TENM3: variants seen among roughly 807,000 people sequenced by gnomAD.
TENM3 encodes the protein teneurin transmembrane protein 3, also known as teneurin-3.
Under a neutral mutation model 255.1 loss-of-function variants are expected in TENM3, and 63 were observed. The ratio of observed to expected loss-of-function variants is 0.25; its 90% CI spans 0.20 to 0.30. The LOEUF is 0.30. Among genes scored for constraint, TENM3 ranks in the 10% least tolerant of loss-of-function variants. The pLI, the probability that TENM3 is intolerant of heterozygous loss-of-function variation, is 1.00. For synonymous variants in TENM3, 1,306 were observed against 1,322.3 expected, an observed-to-expected ratio of 0.99 and a Z score of 0.27; for missense variants, 2,929 against 3,461.1, an observed-to-expected ratio of 0.85 and a Z score of 3.86.
chr4:182,395,547 G>T (rs1375220991), intron 3 of TENM3, among the ~76,000 whole-genome samples: 2 of 152,092 alleles, frequency 1.3e-5, no homozygotes, highest in African/African-American at 2.4e-5. Context: ...TTTAATTGTT[G>T]CTCTCCTTAT....
chr4:182,660,370 C>A (rs758117359), intron 6 of TENM3, among the ~76,000 whole-genome samples: 7 of 152,198 alleles, frequency 4.6e-5, no homozygotes, highest in Non-Finnish European at 1.0e-4. Context: ...TGGCTAAGAA[C>A]TGAAGCTCTG....
the TENM3 span, among the ~76,000 whole-genome samples, chr4:181,471,178 A>G: frequency 4.6e-5 from 7 of 152,170 alleles, no homozygotes; most frequent in African/African-American, 1.7e-4. Flanking sequence ...AATGGTTAAT[A>G]AAATTTATTT....
At chr4:181,594,936 CCT>C in the TENM3 span, among the ~76,000 whole-genome samples, 1 of 152,048 alleles carries the variant, frequency 6.6e-6, no homozygotes, top group African/African-American at 2.4e-5. Flanking sequence ...AAATTTGATT[CCT>C]CTCTTTGTTT....
intron 1 of TENM3, among the ~76,000 whole-genome samples, chr4:182,264,360 CGTT>C (rs1759090703): frequency 6.6e-6 from 1 of 152,210 alleles, no homozygotes; most frequent in African/African-American, 2.4e-5. Context: ...GAAGTCTCCA[CGTT>C]GTTTTATGTC....
intron 2 of TENM3, among the ~76,000 whole-genome samples, chr4:182,326,115 A>G (rs1367391580): frequency 9.2e-5 from 14 of 152,186 alleles, no homozygotes; most frequent in Admixed American, 9.2e-4. Flanking sequence ...GCGGCCAGGG[A>G]GGCCTTGTTG....
At chr4:181,735,976 C>T in the TENM3 span, among the ~76,000 whole-genome samples, 2 of 152,150 alleles carry the variant, frequency 1.3e-5, no homozygotes. Flanking sequence ...AATTTAATGT[C>T]TATCTTTTTT....
Position 182,507,299 on chromosome 4 carries a change from T to G in TENM3, c.512-93625T>G, listed in dbSNP as rs951625713. On this transcript the variant is annotated intron_variant, in intron 3 of 27. Transcript: ENST00000511685. ...TGAAGTTAGTCTAAATAACATTAGGTCCCATAATCTCTGAGAATTTACCAG... is the reference window on the plus strand; with the variant it reads ...TGAAGTTAGTCTAAATAACATTAGGGCCCATAATCTCTGAGAATTTACCAG... 3.2e-4 allele frequency among the ~76,000 whole-genome samples: 49 copies of G among 152,314 alleles called. 1 individual carries two copies. The highest frequency in any genetic ancestry group is 2.2e-4 in the Non-Finnish European group (15 of 68,018).
Position 182,475,546 on chromosome 4 carries a change from A to C in TENM3, c.512-125378A>C, listed in dbSNP as rs567948242. Reference sequence around the variant, plus strand: ...CCTAATAATGTTAGACTGAAATGCCATAATACTAGAGGAAATTTAGAAAGC... The same window carrying C: ...CCTAATAATGTTAGACTGAAATGCCCTAATACTAGAGGAAATTTAGAAAGC... On this transcript the variant is annotated intron_variant, in intron 3 of 27. Coordinates refer to ENST00000511685, the MANE Select transcript of TENM3 (RefSeq NM_001080477.4). 3.3e-5 allele frequency among the ~76,000 whole-genome samples: 5 copies of C among 152,306 alleles called. No individual in the cohort carries two copies. The East Asian group carries it at 9.6e-4, about 29-fold the overall frequency.
At chr4:181,652,914 C>A in the TENM3 span, among the ~76,000 whole-genome samples, 1 of 152,190 alleles carries the variant, frequency 6.6e-6, no homozygotes, top group South Asian at 2.1e-4. Flanking sequence ...TTTAACCTCT[C>A]TAAAATTCTT....
chr4:182,362,176 C>T (rs1211366484), intron 3 of TENM3, among the ~76,000 whole-genome samples: 2 of 152,052 alleles, frequency 1.3e-5, no homozygotes, highest in African/African-American at 4.8e-5. Context: ...GGGTCAGGGA[C>T]CCACTTGAGG....
At chr4:182,708,628 C>T (rs948004653) in intron 12 of TENM3, among the ~76,000 whole-genome samples, 51 of 152,038 alleles carry the variant, frequency 3.4e-4, no homozygotes, top group Middle Eastern at 6.8e-3. Context: ...TGAAACCCCA[C>T]CTCTACTAAA....
At chr4:181,556,226 G>A in the TENM3 span, among the ~76,000 whole-genome samples, 11 of 152,062 alleles carry the variant, frequency 7.2e-5, no homozygotes, top group Admixed American at 6.5e-5. Flanking sequence ...GAACTTCCAC[G>A]ACTTTTGTCT....
At chr4:182,529,600 T>C (rs891022485) in intron 3 of TENM3, among the ~76,000 whole-genome samples, 5 of 152,192 alleles carry the variant, frequency 3.3e-5, no homozygotes, top group African/African-American at 4.8e-5. Flanking sequence ...GGGGCCTAGA[T>C]AGTACTAAAG....
chr4:181,838,703 G>A, the TENM3 span, among the ~76,000 whole-genome samples: 7 of 152,056 alleles, frequency 4.6e-5, no homozygotes, highest in African/African-American at 1.7e-4. Flanking sequence ...ATGTATTCGT[G>A]TGAATCTAAT....
the TENM3 span, among the ~76,000 whole-genome samples, chr4:181,987,584 G>A: frequency 6.6e-6 from 1 of 152,076 alleles, no homozygotes; most frequent in Non-Finnish European, 1.5e-5. Context: ...TGCGTAGAGT[G>A]TTGTCCTTCA....
At chr4:182,520,695 CCTT>C (rs1687365755) in intron 3 of TENM3, among the ~76,000 whole-genome samples, 1 of 152,058 alleles carries the variant, frequency 6.6e-6, no homozygotes, top group African/African-American at 2.4e-5. Flanking sequence ...AAGTAAATTT[CCTT>C]CTTTATAAAT....
At chr4:181,639,526 G>C in the TENM3 span, among the ~76,000 whole-genome samples, 1 of 152,110 alleles carries the variant, frequency 6.6e-6, no homozygotes. Context: ...GATCACCTGA[G>C]GTCAGGAGTT....
chr4:182,158,465 G>A (rs1750870176), intron 1 of TENM3, among the ~76,000 whole-genome samples: 1 of 152,140 alleles, frequency 6.6e-6, no homozygotes, highest in African/African-American at 2.4e-5. Context: ...ATCCAGGAAG[G>A]GCTGGAGAGA....
At chr4:182,075,429 A>C in the TENM3 span, among the ~76,000 whole-genome samples, 2 of 151,872 alleles carry the variant, frequency 1.3e-5, no homozygotes, top group African/African-American at 4.8e-5. Flanking sequence ...CGATCTCCTG[A>C]CCTAGTGATC....
Sources: gnomAD v4.1 joint callset for allele counts (sites outside exome capture counted in the v4.1 genomes callset) on GRCh38, gnomAD v4.1.1 for gene constraint, MANE v1.5 for transcripts, NCBI Gene and HGNC (gene_info 2026-07-23, HGNC 2026-07-21) for gene names.